Variants in TBC1D32 observed in about 807,000 individuals in gnomAD.
The protein encoded by TBC1D32 is protein broad-minded.
TBC1D32 carries 151 observed loss-of-function variants against 170.3 expected under a neutral mutation model. That is an observed-to-expected ratio of 0.89 (90% CI 0.78 to 1.01). TBC1D32 has a LOEUF of 1.01. Among genes scored for constraint, TBC1D32 ranks in the 50% least tolerant of loss-of-function variants. The pLI, the probability that TBC1D32 is intolerant of heterozygous loss-of-function variation, is 0.00. For missense variants in TBC1D32, 1,464 were observed against 1,457.1 expected (o/e 1.00, Z -0.08); for synonymous variants, 498 against 488.0 (o/e 1.02, Z -0.27).
At chr6:121,123,530 T>C in intron 26 of TBC1D32, among the ~76,000 whole-genome samples, 1 of 152,122 alleles carries the variant, frequency 6.6e-6, no homozygotes, top group African/African-American at 2.4e-5. Flanking sequence ...TAAAGTCTAT[T>C]TCATCTGATA....
intron 15 of TBC1D32, among the ~76,000 whole-genome samples, chr6:121,269,531 G>A (rs1479298939): frequency 1.3e-5 from 2 of 152,130 alleles, no homozygotes; most frequent in Non-Finnish European, 2.9e-5. Flanking sequence ...TTACATAATG[G>A]TAAAGGGATC....
chr6:121,136,026 C>T (rs553604451), intron 24 of TBC1D32, among the ~76,000 whole-genome samples: 1 of 152,090 alleles, frequency 6.6e-6, no homozygotes, highest in African/African-American at 2.4e-5. Flanking sequence ...TCTAATGCCC[C>T]CCAAAACTCC....
At chr6:121,332,414 C>A (rs1432094197) in intron 1 of TBC1D32, among the ~76,000 whole-genome samples, 2 of 151,944 alleles carry the variant, frequency 1.3e-5, no homozygotes, top group Non-Finnish European at 2.9e-5. Flanking sequence ...TCTAGCATAA[C>A]AGATGAAGAG....
chr6:121,282,404 C>T (rs1803144868), intron 13 of TBC1D32, among the ~76,000 whole-genome samples: 1 of 151,584 alleles, frequency 6.6e-6, no homozygotes, highest in Non-Finnish European at 1.5e-5. Context: ...TAGTAAGATA[C>T]AACACTTTAG....
chr6:121,114,853 T>C (rs80159085), intron 27 of TBC1D32, among the ~76,000 whole-genome samples: 202 of 152,302 alleles, frequency 1.3e-3, no homozygotes, highest in African/African-American at 4.7e-3. Context: ...GAATTAATCA[T>C]ATTCTAGAAA....
chr6:121,110,398 GT>G (rs1194820078), intron 29 of TBC1D32, among the ~76,000 whole-genome samples: 1 of 151,788 alleles, frequency 6.6e-6, no homozygotes, highest in Non-Finnish European at 1.5e-5. Flanking sequence ...TTCATTAAGT[GT>G]ACAGATAGAT....
intron 9 of TBC1D32, among the ~76,000 whole-genome samples, chr6:121,302,159 T>C (rs887019455): frequency 2.0e-5 from 3 of 152,182 alleles, no homozygotes; most frequent in Non-Finnish European, 2.9e-5. Flanking sequence ...GTCAACAAAC[T>C]ACAGCCCTCA....
chr6:121,293,188 A>C (rs946786864), intron 11 of TBC1D32, among the ~76,000 whole-genome samples: 18 of 152,088 alleles, frequency 1.2e-4, no homozygotes, highest in African/African-American at 4.3e-4. Flanking sequence ...TAGAGAAGAG[A>C]GCAAAACCAT....
intron 1 of TBC1D32, among the ~76,000 whole-genome samples, chr6:121,328,297 A>AT (rs202154903): frequency 0.014 from 2,107 of 150,898 alleles, 37 homozygotes; most frequent in African/African-American, 0.041. Flanking sequence ...TTATTTATTT[A>AT]TTTTTTGTGA....
At chr6:121,098,745 T>G (rs889712583) in intron 30 of TBC1D32, among the ~76,000 whole-genome samples, 12 of 151,990 alleles carry the variant, frequency 7.9e-5, no homozygotes, top group African/African-American at 2.9e-4. Context: ...GTACAAAGTG[T>G]GTACAAAGCA....
intron 15 of TBC1D32, among the ~76,000 whole-genome samples, chr6:121,269,981 T>C (rs1218350607): frequency 6.6e-6 from 1 of 152,000 alleles, no homozygotes; most frequent in Non-Finnish European, 1.5e-5. Context: ...CTCAACTACA[T>C]GGAAACTGAA....
In TBC1D32 at chr6:121,286,263, C is replaced by T. The variant is rs143086931; in HGVS notation, c.1373-2353G>A. On this transcript the variant is annotated intron_variant, in intron 12 of 31. Coordinates refer to ENST00000398212, the MANE Select transcript of TBC1D32 (RefSeq NM_152730.6). ...GAAAAAAAATTGGATAAATGGCTAA[C>T]TAGAACAACCAATGCAGAGAAGTCC... is the stretch of plus-strand genomic sequence containing the variant. 8.9e-3 allele frequency among the ~76,000 whole-genome samples: 1,352 copies of T among 152,196 alleles called. 24 individuals are homozygous for T. The highest frequency in any genetic ancestry group is 0.031 in the African/African-American group (1,278 of 41,522).
chr6:121,231,345 A>G (rs1795712404), intron 20 of TBC1D32, among the ~76,000 whole-genome samples: 1 of 152,130 alleles, frequency 6.6e-6, no homozygotes, highest in African/African-American at 2.4e-5. Flanking sequence ...GGGCAGTTCC[A>G]TATTTTTGCA....
chr6:121,238,077 G>A (rs1429149967), intron 20 of TBC1D32, among the ~76,000 whole-genome samples: 1 of 152,130 alleles, frequency 6.6e-6, no homozygotes, highest in East Asian at 1.9e-4. Context: ...ATACTTGAGT[G>A]ATTAGTCACA....
At chr6:121,092,293 G>GT (rs1160372863) in intron 30 of TBC1D32, among the ~76,000 whole-genome samples, 1,953 of 50,360 alleles carry the variant, frequency 0.039, 411 homozygotes, top group Non-Finnish European at 0.066. Context: ...TCAGTTTTAT[G>GT]TTTTTTTTTT....
In TBC1D32 at chr6:121,303,672, G is replaced by A. The variant is rs368934038; in HGVS notation, c.1025C>T (p.Pro342Leu). 2.9e-5 allele frequency: 46 copies of A among 1,596,890 alleles called. No individual in the cohort carries two copies. The highest frequency in any genetic ancestry group is 3.6e-5 in the Non-Finnish European group (42 of 1,168,712). The change falls in exon 9 of 32, where the codon CCG (proline) becomes CTG (leucine). Residue 342 changes from proline to leucine, a missense_variant. Transcript: ENST00000398212. ...ATCAACTAATGCAAAAAAGTAGATC[G>A]GATCCAAAATCTTTTGTGAGACAAC... ...SHVVSQKILD[P>L]IYFFALVDTK...
At chr6:121,185,586 T>C (rs980666636) in intron 22 of TBC1D32, among the ~76,000 whole-genome samples, 12 of 152,076 alleles carry the variant, frequency 7.9e-5, no homozygotes, top group South Asian at 2.1e-4. Flanking sequence ...AGACCAACCC[T>C]GGACTCAGAA....
At position 121,334,474 on chromosome 6, in the gene TBC1D32, C is replaced by T. The variant is rs1051245550; in HGVS notation, c.-44G>A. 1.8e-5 allele frequency: 28 copies of T among 1,576,938 alleles called. No individual in the cohort carries two copies. The highest frequency in any genetic ancestry group is 2.4e-5 in the Non-Finnish European group (28 of 1,160,004). ...CCACTCTCATTACTCCAGGTCCGAG[C>T]AAAAGCCGCGCACTGCGCACGCGCA... is the stretch of plus-strand genomic sequence containing the variant. On this transcript the variant is annotated 5_prime_UTR_variant, in exon 1 of 32. Coordinates refer to ENST00000398212, the MANE Select transcript of TBC1D32 (RefSeq NM_152730.6).
chr6:121,269,383 C>T (rs931147823), intron 15 of TBC1D32, among the ~76,000 whole-genome samples: 1 of 151,928 alleles, frequency 6.6e-6, no homozygotes, highest in African/African-American at 2.4e-5. Flanking sequence ...ATGAGAGAGA[C>T]ACACATAGGC....
Sources: allele counts gnomAD v4.1 joint callset (sites outside exome capture counted in the v4.1 genomes callset), GRCh38; gene constraint gnomAD v4.1.1; transcripts MANE v1.5; gene names NCBI Gene and HGNC (gene_info 2026-07-23, HGNC 2026-07-21).